TMEM170B: variants seen among roughly 807,000 people sequenced by gnomAD.
TMEM170B encodes transmembrane protein 170B.
In TMEM170B, 6 loss-of-function variants were observed where a neutral mutation model predicts 13.0. The ratio of observed to expected loss-of-function variants is 0.46; its 90% CI spans 0.25 to 0.91. The LOEUF is 0.91. Ranked by LOEUF, TMEM170B falls within the 40% of genes least tolerant of loss-of-function variation. The pLI, the probability that TMEM170B is intolerant of heterozygous loss-of-function variation, is 0.17. For synonymous variants in TMEM170B, 61 were observed against 64.9 expected (o/e 0.94, Z 0.29); for missense variants, 138 against 165.2 (o/e 0.84, Z 0.90).
At chr6:11,563,017 A>G (rs1259166636) in intron 1 of TMEM170B, among the ~76,000 whole-genome samples, 2 of 152,202 alleles carry the variant, frequency 1.3e-5, no homozygotes, top group African/African-American at 4.8e-5. Flanking sequence ...TTTAAAAAAA[A>G]TTGGTAAAAA....
intron 1 of TMEM170B, among the ~76,000 whole-genome samples, chr6:11,549,662 CA>C (rs111556696): frequency 1.5e-3 from 164 of 109,100 alleles, no homozygotes; most frequent in East Asian, 2.1e-3. Context: ...GACTCCGTCT[CA>C]AAAAAAAAAA....
chr6:11,575,216 A>G lies in TMEM170B; in HGVS notation c.269-215A>G, dbSNP rs1437560666. Among the ~76,000 whole-genome samples, 1 of 152,158 alleles carries G rather than the reference A, an allele frequency of 6.6e-6. No individual in the cohort carries two copies. The highest frequency in any genetic ancestry group is 6.6e-5 in the Admixed American group (1 of 15,264). On this transcript the variant is annotated intron_variant, in intron 2 of 2. Transcript: ENST00000379426. This position sits in a 1 kb window ranked among gnomAD's most constrained non-coding sequence, Gnocchi z 4.1. The stretch of plus-strand genomic sequence containing the variant: ...ATAAATATATATCTTTTGGTTGAAT[A>G]GAAAAGTCTGTTTTTCAAATAAGTG...
intron 1 of TMEM170B, 110 bp downstream of exon 1, chr6:11,538,484 G>T (rs1212411954): frequency 2.5e-6 from 2 of 806,612 alleles, no homozygotes; most frequent in Admixed American, 7.4e-5. Context: ...TGCGCGCCCC[G>T]CTCGGAGCTC....
Position 11,578,972 on chromosome 6 carries a change from A to G in TMEM170B, c.*3411A>G, listed in dbSNP as rs550494358. 5.3e-4 allele frequency: 81 copies of G among 152,232 alleles called. 1 individual carries two copies. Among genetic ancestry groups the G allele is most frequent in the African/African-American group, 1.8e-3 (76 of 41,536 alleles). 9.4% of individuals were successfully genotyped at this position (152,232 alleles called of 1,614,324 possible). A position where few individuals can be genotyped will look rare whatever the true frequency, so the allele number is the denominator to read the frequency against. ...TTTTGTAAACACTTCGTGTGGATCC[A>G]CTATGTAAAGTGCTCTACCAAGTAT... On this transcript the variant is annotated 3_prime_UTR_variant, in exon 3 of 3. Transcript: ENST00000379426.
At chr6:11,568,248 G>A (rs952743733) in intron 2 of TMEM170B, among the ~76,000 whole-genome samples, 4 of 152,172 alleles carry the variant, frequency 2.6e-5, no homozygotes, top group African/African-American at 9.7e-5. Context: ...GAAGGAAGGA[G>A]TTAATGTAAG....
At chr6:11,557,849 A>T (rs989461444) in intron 1 of TMEM170B, among the ~76,000 whole-genome samples, 2 of 152,182 alleles carry the variant, frequency 1.3e-5, no homozygotes, top group Non-Finnish European at 2.9e-5. Context: ...CAGTACAAAA[A>T]TCCAGGCCTT....
intron 1 of TMEM170B, among the ~76,000 whole-genome samples, chr6:11,563,150 A>T (rs560735114): frequency 6.6e-6 from 1 of 152,310 alleles, no homozygotes; most frequent in Non-Finnish European, 1.5e-5. Flanking sequence ...AGCCTGACCA[A>T]CACAGAGAAA....
chr6:11,554,456 G>T (rs968824321), intron 1 of TMEM170B, among the ~76,000 whole-genome samples: 7 of 151,768 alleles, frequency 4.6e-5, no homozygotes, highest in African/African-American at 1.7e-4. Flanking sequence ...TAATTACTCA[G>T]TTAATCAGTT....
intron 1 of TMEM170B, among the ~76,000 whole-genome samples, chr6:11,558,806 T>C (rs1047420805): frequency 6.6e-6 from 1 of 152,174 alleles, no homozygotes; most frequent in Admixed American, 6.5e-5. Flanking sequence ...TTAGAACATA[T>C]GTAATTGAAA....
chr6:11,549,758 T>G (rs1032615466), intron 1 of TMEM170B, among the ~76,000 whole-genome samples: 2 of 152,302 alleles, frequency 1.3e-5, no homozygotes, highest in Admixed American at 1.3e-4. Flanking sequence ...AAAAGATTTT[T>G]TTCACCAAAC....
At chr6:11,568,620 G>A (rs1759763734) in intron 2 of TMEM170B, among the ~76,000 whole-genome samples, 1 of 152,090 alleles carries the variant, frequency 6.6e-6, no homozygotes, top group Non-Finnish European at 1.5e-5. Context: ...AAAAATGTAA[G>A]TCTGACACAA....
At position 11,582,911 on chromosome 6, in the gene TMEM170B, T is replaced by C. The variant is rs1488553897; in HGVS notation, c.*7350T>C. ...CATGTTTACATAAAACAGTTTAATT[T>C]TGAAGGATTATTTTAAAAACTATGT... On this transcript the variant is annotated 3_prime_UTR_variant, in exon 3 of 3. Transcript: ENST00000379426. The C allele has an allele frequency of 6.6e-6, 1 of 152,200 alleles. No individual in the cohort carries two copies. The highest frequency in any genetic ancestry group is 1.5e-5 in the Non-Finnish European group (1 of 68,008). The allele number at this position is 152,200 out of a possible 1,614,324, so 9.4% of individuals were successfully genotyped here.
In TMEM170B at chr6:11,575,405, T is replaced by C; in HGVS notation, c.269-26T>C. Reference sequence around the variant, plus strand: ...GTTATAAAACGAGTGACTGTATCCCTTCATTTTTCTCCCGTTTCTCCTTAG... The same window carrying C: ...GTTATAAAACGAGTGACTGTATCCCCTCATTTTTCTCCCGTTTCTCCTTAG... On this transcript the variant is annotated intron_variant, in intron 2 of 2. Coordinates refer to ENST00000379426, the MANE Select transcript of TMEM170B (RefSeq NM_001100829.3). The surrounding 1 kb of genome is among the most constrained non-coding windows in gnomAD (Gnocchi z 4.1). The C allele has an allele frequency of 6.2e-7, 1 of 1,612,840 alleles. No individual in the cohort carries two copies. Among genetic ancestry groups the C allele is most frequent in the Non-Finnish European group, 8.5e-7 (1 of 1,179,108 alleles).
intron 1 of TMEM170B, among the ~76,000 whole-genome samples, chr6:11,557,327 T>C (rs1445585883): frequency 6.6e-6 from 1 of 152,240 alleles, no homozygotes; most frequent in Non-Finnish European, 1.5e-5. Flanking sequence ...TTAGTAAGCA[T>C]AGATTTTAAA....
rs1295274523 is a variant in TMEM170B at position 11,538,243 on chromosome 6, C to T, written c.-35C>T. 2 of 1,236,538 alleles carry T rather than the reference C, an allele frequency of 1.6e-6. No individual in the cohort carries two copies. The highest frequency in any genetic ancestry group is 1.0e-6 in the Non-Finnish European group (1 of 975,958). The allele number at this position is 1,236,538 out of a possible 1,614,324, so 76.6% of individuals were successfully genotyped here. A position where few individuals can be genotyped will look rare whatever the true frequency, so the allele number is the denominator to read the frequency against. On this transcript the variant is annotated 5_prime_UTR_variant, in exon 1 of 3. Coordinates refer to ENST00000379426, the MANE Select transcript of TMEM170B (RefSeq NM_001100829.3). Reference sequence around the variant, plus strand: ...TCGCAGCCGCCGCCGCCGCCCGGCACCCGAGGAGAGGGCGGCGGGCGCCCC... The same window carrying T: ...TCGCAGCCGCCGCCGCCGCCCGGCATCCGAGGAGAGGGCGGCGGGCGCCCC...
chr6:11,564,901 T>C (rs553910842), intron 1 of TMEM170B, among the ~76,000 whole-genome samples: 84 of 152,248 alleles, frequency 5.5e-4, no homozygotes, highest in Admixed American at 9.2e-4. Flanking sequence ...CCACCCTCAC[T>C]ACAGTATGGT....
chr6:11,571,073 T>C (rs1561689186), intron 2 of TMEM170B, among the ~76,000 whole-genome samples: 1 of 152,160 alleles, frequency 6.6e-6, no homozygotes. Context: ...ATCAACACAT[T>C]ATCAAAACTA....
At chr6:11,556,497 T>C (rs1759589489) in intron 1 of TMEM170B, among the ~76,000 whole-genome samples, 1 of 152,194 alleles carries the variant, frequency 6.6e-6, no homozygotes, top group Non-Finnish European at 1.5e-5. Flanking sequence ...TGCTGATGCT[T>C]GTTACTTGCT....
At position 11,582,878 on chromosome 6, in the gene TMEM170B, GT is replaced by G. The variant is rs1006782744; in HGVS notation, c.*7318del. 1 of 152,112 alleles carries G rather than the reference GT, an allele frequency of 6.6e-6. No individual in the cohort carries two copies. Among genetic ancestry groups the G allele is most frequent in the African/African-American group, 2.4e-5 (1 of 41,412 alleles). The allele number at this position is 152,112 out of a possible 1,614,324, so 9.4% of individuals were successfully genotyped here. A position where few individuals can be genotyped will look rare whatever the true frequency, so the allele number is the denominator to read the frequency against. On this transcript the variant is annotated 3_prime_UTR_variant, in exon 3 of 3. Coordinates refer to ENST00000379426, the MANE Select transcript of TMEM170B (RefSeq NM_001100829.3). ...TTAAGACTATAAACTATATGAGTAT[GT>G]GTACTGCATGTTTACATAAAACAGT...
Sources: gnomAD v4.1 joint callset for allele counts (sites outside exome capture counted in the v4.1 genomes callset) on GRCh38, gnomAD v4.1.1 for gene constraint, Gnocchi (gnomAD v3.1) non-coding constraint, MANE v1.5 for transcripts, NCBI Gene and HGNC (gene_info 2026-07-23, HGNC 2026-07-21) for gene names.